Variants in PPFIA2 observed in about 807,000 individuals in gnomAD.
PPFIA2 encodes liprin-alpha-2.
PPFIA2 carries 46 observed loss-of-function variants against 175.5 expected under a neutral mutation model. That is an observed-to-expected ratio of 0.26 (90% CI 0.21 to 0.34). The LOEUF (loss-of-function observed/expected upper bound fraction) is 0.34, where lower values mean the gene tolerates loss of function less well. Among genes scored for constraint, PPFIA2 ranks in the 10% least tolerant of loss-of-function variants. The probability of loss-of-function intolerance (pLI) is 1.00; values close to 1 mark genes in which losing one functional copy is unlikely to be tolerated. For synonymous variants in PPFIA2, 568 were observed against 511.4 expected, an observed-to-expected ratio of 1.11 and a Z score of -1.49; for missense variants, 1,179 against 1,506.1, an observed-to-expected ratio of 0.78 and a Z score of 3.60.
intron 21 of PPFIA2, among the ~76,000 whole-genome samples, chr12:81,327,494 C>A (rs2055058445): frequency 6.6e-6 from 1 of 151,902 alleles, no homozygotes; most frequent in African/African-American, 2.4e-5. Flanking sequence ...AATTATTATT[C>A]ATAGTCTTCA....
intron 3 of PPFIA2, among the ~76,000 whole-genome samples, chr12:81,743,993 C>T (rs541395791): frequency 6.6e-6 from 1 of 152,230 alleles, no homozygotes; most frequent in African/African-American, 2.4e-5. Context: ...CCTTCATAAT[C>T]ATTTAAAATT....
chr12:81,483,980 A>T (rs2058539686), intron 4 of PPFIA2, among the ~76,000 whole-genome samples: 2 of 151,440 alleles, frequency 1.3e-5, no homozygotes, highest in Admixed American at 6.6e-5. Context: ...CAGAAGTTTG[A>T]AGTATCCCTC....
intron 4 of PPFIA2, among the ~76,000 whole-genome samples, chr12:81,551,610 G>A (rs1345071428): frequency 6.6e-6 from 1 of 151,686 alleles, no homozygotes; most frequent in African/African-American, 2.4e-5. Flanking sequence ...GTTTCTGAGG[G>A]GTGAAATAAA....
At chr12:81,635,375 A>G (rs1035722902) in intron 4 of PPFIA2, among the ~76,000 whole-genome samples, 1 of 152,212 alleles carries the variant, frequency 6.6e-6, no homozygotes, top group African/African-American at 2.4e-5. Context: ...TTCACTTACT[A>G]TAATTGTATA....
At chr12:81,551,724 CTG>C (rs2067958312) in intron 4 of PPFIA2, among the ~76,000 whole-genome samples, 1 of 151,818 alleles carries the variant, frequency 6.6e-6, no homozygotes, top group South Asian at 2.1e-4. Flanking sequence ...GTGTGTGAAA[CTG>C]TTATTTTAGA....
At chr12:81,661,059 GA>G (rs1405192341) in intron 4 of PPFIA2, among the ~76,000 whole-genome samples, 1 of 152,216 alleles carries the variant, frequency 6.6e-6, no homozygotes, top group African/African-American at 2.4e-5. Flanking sequence ...ACTAAACATG[GA>G]AAGGAACAAC....
At chr12:81,371,819 C>T (rs1180084322) in intron 11 of PPFIA2, among the ~76,000 whole-genome samples, 1 of 151,552 alleles carries the variant, frequency 6.6e-6, no homozygotes, top group African/African-American at 2.4e-5. Context: ...CTCGCCAAAG[C>T]AAAACTTTTA....
chr12:81,751,801 G>T (rs1159908564), intron 3 of PPFIA2, among the ~76,000 whole-genome samples: 2 of 152,062 alleles, frequency 1.3e-5, no homozygotes, highest in African/African-American at 4.8e-5. Context: ...TTTACAAAGA[G>T]ATTTACCTCC....
At chr12:81,462,016 T>C (rs564919173) in intron 4 of PPFIA2, among the ~76,000 whole-genome samples, 7 of 151,964 alleles carry the variant, frequency 4.6e-5, no homozygotes, top group Admixed American at 3.3e-4. Context: ...CAGTAAATCC[T>C]TGTTGTGATA....
At chr12:81,728,418 C>T (rs1334951660) in intron 3 of PPFIA2, among the ~76,000 whole-genome samples, 1 of 151,414 alleles carries the variant, frequency 6.6e-6, no homozygotes, top group African/African-American at 2.4e-5. Context: ...TCTCACTCCC[C>T]ACTTTCAATC....
intron 4 of PPFIA2, among the ~76,000 whole-genome samples, chr12:81,473,407 TCAAA>T (rs958765232): frequency 2.0e-5 from 3 of 152,088 alleles, no homozygotes; most frequent in African/African-American, 7.2e-5. Context: ...AGACTCCACC[TCAAA>T]CAAACAAACA....
At position 81,644,357 on chromosome 12, in the gene PPFIA2, C is replaced by T. The variant is rs574247226; in HGVS notation, c.303+32434G>A. Among the ~76,000 whole-genome samples the T allele has an allele frequency of 4.0e-5, 6 of 151,832 alleles. No homozygotes were observed. The South Asian group carries it at 1.2e-3, about 32-fold the overall frequency. On this transcript the variant is annotated intron_variant, in intron 4 of 32. Transcript: ENST00000549396. ...AGTTGGTGAACACACTAAATATATC[C>T]CCTTAAGTTTGGATTCCTTATTTTT...
intron 4 of PPFIA2, among the ~76,000 whole-genome samples, chr12:81,477,233 A>G (rs2057588878): frequency 6.6e-6 from 1 of 152,102 alleles, no homozygotes; most frequent in Non-Finnish European, 1.5e-5. Context: ...AAAAAAGAAA[A>G]AAAAGGAAAT....
At chr12:81,278,044 A>G (rs1388846405) in intron 27 of PPFIA2, among the ~76,000 whole-genome samples, 3 of 152,212 alleles carry the variant, frequency 2.0e-5, no homozygotes, top group African/African-American at 7.2e-5. Flanking sequence ...CATGAACAAA[A>G]GATTGCAGAT....
At chr12:81,748,550 G>A (rs1047531606) in intron 3 of PPFIA2, among the ~76,000 whole-genome samples, 1 of 144,480 alleles carries the variant, frequency 6.9e-6, no homozygotes, top group African/African-American at 2.4e-5. Flanking sequence ...AGAGGTGAAT[G>A]GCCCCAGTTG....
intron 22 of PPFIA2, among the ~76,000 whole-genome samples, chr12:81,310,756 A>G (rs189462885): frequency 6.6e-6 from 1 of 152,306 alleles, no homozygotes; most frequent in African/African-American, 2.4e-5. Context: ...ACACCTTACT[A>G]GAGCTTTTCT....
At chr12:81,531,222 C>CA (rs1218942032) in intron 4 of PPFIA2, among the ~76,000 whole-genome samples, 2 of 151,794 alleles carry the variant, frequency 1.3e-5, no homozygotes, top group African/African-American at 4.8e-5. Flanking sequence ...TTTATTCATC[C>CA]AAAAATACCA....
At chr12:81,443,845 CTTTTTTTTTTTTTTTTTT>C (rs1183160145) in intron 6 of PPFIA2, among the ~76,000 whole-genome samples, 2 of 71,162 alleles carry the variant, frequency 2.8e-5, no homozygotes, top group African/African-American at 1.2e-4. Context: ...GCCAACCTTT[CTTTTTTTTTTTTTTTTTT>C]TTTTTTTTTT....
chr12:81,680,999 T>A (rs2073511278), intron 3 of PPFIA2, among the ~76,000 whole-genome samples: 1 of 152,024 alleles, frequency 6.6e-6, no homozygotes, highest in Non-Finnish European at 1.5e-5. Flanking sequence ...CTGGCCTTTC[T>A]AGGGACCTGA....
Sources: gnomAD v4.1 joint callset for allele counts (sites outside exome capture counted in the v4.1 genomes callset) on GRCh38, gnomAD v4.1.1 for gene constraint, MANE v1.5 for transcripts, NCBI Gene and HGNC (gene_info 2026-07-23, HGNC 2026-07-21) for gene names.